Variants in CSMD1 observed in about 807,000 individuals in gnomAD.
CSMD1 encodes the protein CUB and sushi domain-containing protein 1.
CSMD1 carries 213 observed loss-of-function variants against 417.5 expected under a neutral mutation model. The ratio of observed to expected loss-of-function variants is 0.51; its 90% confidence interval spans 0.46 to 0.57. CSMD1 has a LOEUF of 0.57. Ranked by LOEUF, CSMD1 falls within the 20% of genes least tolerant of loss-of-function variation. CSMD1 has a pLI of 0.00. For synonymous variants in CSMD1, 2,862 were observed against 1,736.8 expected (o/e 1.65, Z -16.11); for missense variants, 6,923 against 4,529.7 (o/e 1.53, Z -15.17).
At chr8:4,407,063 G>A (rs985759554) in intron 3 of CSMD1, among the ~76,000 whole-genome samples, 2 of 152,138 alleles carry the variant, frequency 1.3e-5, no homozygotes, top group African/African-American at 4.8e-5. Context: ...CACGGCCAAG[G>A]TCACTCAAGT....
intron 5 of CSMD1, among the ~76,000 whole-genome samples, chr8:3,849,768 A>T (rs180680137): frequency 1.2e-4 from 19 of 152,270 alleles, no homozygotes; most frequent in Non-Finnish European, 2.1e-4. Context: ...CTTTTGAGAA[A>T]TGATATGTTT....
intron 3 of CSMD1, among the ~76,000 whole-genome samples, chr8:4,205,669 C>G (rs1200464556): frequency 1.3e-5 from 2 of 151,908 alleles, no homozygotes; most frequent in African/African-American, 4.8e-5. Flanking sequence ...TGTTGTGGCT[C>G]ATTTGGGAAA....
intron 3 of CSMD1, among the ~76,000 whole-genome samples, chr8:4,317,866 G>T (rs1585220779): frequency 6.6e-6 from 1 of 152,114 alleles, no homozygotes; most frequent in African/African-American, 2.4e-5. Flanking sequence ...CCGAATTTTG[G>T]CAGGATGAAA....
intron 5 of CSMD1, among the ~76,000 whole-genome samples, chr8:3,908,701 G>A (rs757906293): frequency 7.9e-5 from 12 of 152,114 alleles, no homozygotes; most frequent in Non-Finnish European, 1.3e-4. Context: ...TGAAGCAATC[G>A]CTTAATAGCA....
At chr8:4,241,704 T>C (rs1802414681) in intron 3 of CSMD1, among the ~76,000 whole-genome samples, 1 of 96,138 alleles carries the variant, frequency 1.0e-5, no homozygotes, top group Non-Finnish European at 2.1e-5. Context: ...GTGATTTTTT[T>C]TTTCTTTTTT....
chr8:4,918,804 T>G (rs1806238129), intron 1 of CSMD1, among the ~76,000 whole-genome samples: 1 of 152,204 alleles, frequency 6.6e-6, no homozygotes, highest in African/African-American at 2.4e-5. Context: ...TAAACACACT[T>G]GTGAATATGT....
intron 20 of CSMD1, among the ~76,000 whole-genome samples, chr8:3,363,490 C>A (rs1210971410): frequency 3.3e-5 from 5 of 151,496 alleles, no homozygotes; most frequent in African/African-American, 1.2e-4. Context: ...AGGAGTTTTG[C>A]CTGGTGAAAA....
intron 1 of CSMD1, among the ~76,000 whole-genome samples, chr8:4,740,802 A>G (rs1376841942): frequency 1.3e-5 from 2 of 152,330 alleles, no homozygotes; most frequent in East Asian, 3.9e-4. Context: ...AAGCACAGGT[A>G]TAGGATATCC....
At chr8:4,292,840 G>C (rs757845314) in intron 3 of CSMD1, among the ~76,000 whole-genome samples, 4 of 152,136 alleles carry the variant, frequency 2.6e-5, no homozygotes, top group Non-Finnish European at 4.4e-5. Context: ...GGGTCCCTAA[G>C]AATAGAGATG....
intron 5 of CSMD1, among the ~76,000 whole-genome samples, chr8:3,942,188 T>C (rs1289028217): frequency 6.6e-6 from 1 of 152,006 alleles, no homozygotes; most frequent in East Asian, 1.9e-4. Flanking sequence ...GGGCTCCCAC[T>C]GATTCTACAT....
rs895341256 is a variant in CSMD1, at chr8:3,805,726, C to T, written c.819-51684G>A. On this transcript the variant is annotated intron_variant, in intron 5 of 69. Coordinates refer to ENST00000635120, the MANE Select transcript of CSMD1 (RefSeq NM_033225.6). ...TCCTATCTTTCTTCTTTTTTTAATT[C>T]GAGAATCTTACTTGTTTGTGATACT... Among the ~76,000 whole-genome samples, 7 of 151,954 alleles carry T rather than the reference C, an allele frequency of 4.6e-5. No individual in the cohort carries two copies. The East Asian group carries it at 9.7e-4, about 21-fold the overall frequency.
At chr8:3,964,050 T>C (rs372344062) in intron 5 of CSMD1, among the ~76,000 whole-genome samples, 32 of 152,354 alleles carry the variant, frequency 2.1e-4, no homozygotes, top group Middle Eastern at 6.8e-3. Context: ...CTTTCATTGA[T>C]AGCACAGCAT....
intron 5 of CSMD1, among the ~76,000 whole-genome samples, chr8:3,966,754 C>T (rs963885564): frequency 3.3e-5 from 1 of 30,282 alleles, no homozygotes; most frequent in Non-Finnish European, 6.1e-5. Flanking sequence ...CACACACACA[C>T]GCGCGCGCGC....
At chr8:4,048,431 A>G (rs1407648823) in intron 3 of CSMD1, among the ~76,000 whole-genome samples, 8 of 152,174 alleles carry the variant, frequency 5.3e-5, no homozygotes, top group Admixed American at 3.9e-4. Flanking sequence ...ATGAACATGA[A>G]CTCTCCTATT....
intron 1 of CSMD1, among the ~76,000 whole-genome samples, chr8:4,959,080 G>A (rs559820721): frequency 3.3e-4 from 50 of 152,256 alleles, no homozygotes; most frequent in Middle Eastern, 3.4e-3. Flanking sequence ...TTCATCTAGA[G>A]GGAAATAGTT....
chr8:3,911,090 T>C (rs1306324100), intron 5 of CSMD1, among the ~76,000 whole-genome samples: 1 of 152,132 alleles, frequency 6.6e-6, no homozygotes. Context: ...TTCTGTCAAA[T>C]CACCTTGGCA....
intron 7 of CSMD1, among the ~76,000 whole-genome samples, chr8:3,701,128 A>T (rs1184644199): frequency 6.6e-6 from 1 of 152,034 alleles, no homozygotes; most frequent in Non-Finnish European, 1.5e-5. Flanking sequence ...GTGAGAGGTA[A>T]GAGGGAGAGA....
chr8:3,976,204 A>AT (rs2130131519), intron 5 of CSMD1, among the ~76,000 whole-genome samples: 1 of 152,266 alleles, frequency 6.6e-6, no homozygotes, highest in African/African-American at 2.4e-5. Context: ...TTAAAATGAC[A>AT]TATGTACTGG....
At chr8:2,998,761 G>A (rs1015867101) in intron 53 of CSMD1, among the ~76,000 whole-genome samples, 5 of 152,266 alleles carry the variant, frequency 3.3e-5, no homozygotes, top group African/African-American at 9.6e-5. Context: ...AATATGTCAT[G>A]CCCCAGATAA....
Sources: gnomAD v4.1 joint callset for allele counts (sites outside exome capture counted in the v4.1 genomes callset) on GRCh38, gnomAD v4.1.1 for gene constraint, MANE v1.5 for transcripts, NCBI Gene and HGNC (gene_info 2026-07-23, HGNC 2026-07-21) for gene names.